FARP1: variants seen among roughly 807,000 people sequenced by gnomAD.
FARP1 encodes the protein FERM, ARH/RhoGEF and pleckstrin domain protein 1, also known as FERM, ARHGEF and pleckstrin domain-containing protein 1.
A neutral mutation model predicts 128.8 loss-of-function variants in FARP1; 52 were observed. That is an observed-to-expected ratio of 0.40 (90% CI 0.32 to 0.51). The LOEUF (loss-of-function observed/expected upper bound fraction) is 0.51, where lower values mean the gene tolerates loss of function less well. FARP1 is among the 20% of genes least tolerant of loss of function. FARP1 has a pLI of 0.45. For missense variants in FARP1, 1,333 were observed against 1,367.9 expected, an observed-to-expected ratio of 0.97 and a Z score of 0.40; for synonymous variants, 580 against 551.8, an observed-to-expected ratio of 1.05 and a Z score of -0.72.
intron 2 of FARP1, among the ~76,000 whole-genome samples, chr13:98,312,385 T>C (rs1886512906): frequency 1.3e-5 from 2 of 152,084 alleles, no homozygotes; most frequent in Admixed American, 6.5e-5. Flanking sequence ...GTGATCTGCC[T>C]GCCTCGGCCT....
rs191763382 is a variant in FARP1, at chr13:98,188,850, C to T, written c.-23-24370C>T. ...CATGTCCTGCACATCCGAGGCTCACCGTATGGGCCCAGGCTCCTTTCTGTC... is the reference window on the plus strand; with the variant it reads ...CATGTCCTGCACATCCGAGGCTCACTGTATGGGCCCAGGCTCCTTTCTGTC... On this transcript the variant is annotated intron_variant, in intron 1 of 26. Transcript: ENST00000319562. 1.4e-3 allele frequency among the ~76,000 whole-genome samples: 207 copies of T among 152,294 alleles called. 1 individual carries two copies. The highest frequency in any genetic ancestry group is 2.5e-3 in the Non-Finnish European group (173 of 68,022).
intron 2 of FARP1, among the ~76,000 whole-genome samples, chr13:98,323,781 T>G (rs900656498): frequency 6.6e-6 from 1 of 152,206 alleles, no homozygotes; most frequent in Non-Finnish European, 1.5e-5. Flanking sequence ...AATTCTTGCA[T>G]ACTATTTGCA....
chr13:98,389,718 G>A (rs1890234535), intron 9 of FARP1: 2 of 398,890 alleles, frequency 5.0e-6, no homozygotes, highest in Admixed American at 4.1e-5. Flanking sequence ...TTGAAGCCAC[G>A]TGGCTGTTTC....
intron 26 of FARP1, chr13:98,447,412 T>A (rs765278542): frequency 6.6e-6 from 1 of 152,486 alleles, no homozygotes; most frequent in Non-Finnish European, 1.5e-5. Flanking sequence ...GCTCGAGAGC[T>A]GGGTTGAGAG....
intron 1 of FARP1, among the ~76,000 whole-genome samples, chr13:98,160,627 C>G (rs993783590): frequency 6.6e-6 from 1 of 151,986 alleles, no homozygotes; most frequent in African/African-American, 2.4e-5. Context: ...ACACAGATTG[C>G]TTTTGTCATA....
chr13:98,176,605 C>T lies in FARP1; in HGVS notation c.-24+33113C>T. 9.9e-6 allele frequency: 16 copies of T among 1,614,242 alleles called. No homozygotes were observed. The highest frequency in any genetic ancestry group is 1.3e-5 in the Non-Finnish European group (15 of 1,180,038). ...ATCGGAACGGTCGTGGAGGAATTTG[C>T]AGCTGTCCCCGAAGCCACAGAAGCC... On this transcript the variant is annotated intron_variant, in intron 1 of 26. Transcript: ENST00000319562. The surrounding 1 kb of genome is among the most constrained non-coding windows in gnomAD (Gnocchi z 6.2).
At chr13:98,341,567 G>C (rs1276635156) in intron 2 of FARP1, among the ~76,000 whole-genome samples, 1 of 152,218 alleles carries the variant, frequency 6.6e-6, no homozygotes, top group Non-Finnish European at 1.5e-5. Context: ...AGAAGGCGGA[G>C]GTTGCAGTGA....
At chr13:98,408,733 A>C (rs951723863) in intron 13 of FARP1, among the ~76,000 whole-genome samples, 1 of 152,186 alleles carries the variant, frequency 6.6e-6, no homozygotes, top group East Asian at 1.9e-4. Context: ...CTGCTTTTGC[A>C]TGTTGAAGTG....
intron 1 of FARP1, among the ~76,000 whole-genome samples, chr13:98,152,904 A>G (rs1278551466): frequency 2.6e-5 from 4 of 152,098 alleles, no homozygotes; most frequent in African/African-American, 7.2e-5. Flanking sequence ...CTTGCAGGGC[A>G]TCTGCTTGGA....
At chr13:98,390,313 C>T (rs1890259358) in intron 10 of FARP1, among the ~76,000 whole-genome samples, 193 bp downstream of exon 10, 1 of 152,158 alleles carries the variant, frequency 6.6e-6, no homozygotes, top group Non-Finnish European at 1.5e-5. Flanking sequence ...GCAAAGCCAC[C>T]CAGTCATGGT....
At chr13:98,395,634 T>A (rs1174802014) in intron 13 of FARP1, 158 bp downstream of exon 13, 1 of 909,496 alleles carries the variant, frequency 1.1e-6, no homozygotes, top group African/African-American at 1.7e-5. Context: ...ATGAGGGTGA[T>A]CTGACCAGCG....
chr13:98,224,534 AAAAAAAAAAAAG>A (rs1483649042), intron 2 of FARP1, among the ~76,000 whole-genome samples: 9,481 of 66,366 alleles, frequency 0.14, 361 homozygotes, highest in Non-Finnish European at 0.23. Flanking sequence ...CTCAAAAAAA[AAAAAAAAAAAAG>A]AAAAAAAAAA....
intron 2 of FARP1, among the ~76,000 whole-genome samples, chr13:98,339,101 A>T (rs1392973644): frequency 6.6e-6 from 1 of 152,188 alleles, no homozygotes. Flanking sequence ...GTGTTAATGC[A>T]CAGTCCACGT....
chr13:98,218,193 C>A (rs529250433), intron 2 of FARP1, among the ~76,000 whole-genome samples: 21 of 151,960 alleles, frequency 1.4e-4, no homozygotes, highest in African/African-American at 5.1e-4. Context: ...TCTAAACACC[C>A]ACGCCATCCT....
At chr13:98,445,839 G>A (rs1163944750) in intron 24 of FARP1, 1 of 403,626 alleles carries the variant, frequency 2.5e-6, no homozygotes, top group Non-Finnish European at 4.5e-6. Flanking sequence ...CTAAGGTACT[G>A]GTAGTCAGGA....
At chr13:98,220,517 T>C (rs1428039643) in intron 2 of FARP1, among the ~76,000 whole-genome samples, 1 of 152,230 alleles carries the variant, frequency 6.6e-6, no homozygotes, top group Non-Finnish European at 1.5e-5. Context: ...TTGCAAAGTT[T>C]CTGAAACAGA....
chr13:98,245,210 A>T (rs1882992067), intron 2 of FARP1: 4 of 985,400 alleles, frequency 4.1e-6, no homozygotes, highest in Middle Eastern at 5.2e-4. Context: ...GTTCTGAGAA[A>T]TCTACAGTAA....
chr13:98,402,130 C>A (rs8000474), intron 13 of FARP1: 87,649 of 152,064 alleles, frequency 0.58, 26,500 homozygotes, highest in Non-Finnish European at 0.68. Flanking sequence ...TCTACAGGGC[C>A]GGCGCCGCCA....
At chr13:98,239,490 T>C (rs573887556) in intron 2 of FARP1, among the ~76,000 whole-genome samples, 67 of 152,234 alleles carry the variant, frequency 4.4e-4, no homozygotes, top group Non-Finnish European at 8.7e-4. Context: ...TCATACGATT[T>C]CTACACTGTG....
Sources: allele counts gnomAD v4.1 joint callset (sites outside exome capture counted in the v4.1 genomes callset), GRCh38; gene constraint gnomAD v4.1.1; non-coding constraint Gnocchi (gnomAD v3.1); transcripts MANE v1.5; gene names NCBI Gene and HGNC (gene_info 2026-07-23, HGNC 2026-07-21).